Variants in DIAPH3 observed in about 807,000 individuals in gnomAD.
DIAPH3 encodes the protein diaphanous related formin 3, also known as protein diaphanous homolog 3.
Under a neutral mutation model 144.3 loss-of-function variants are expected in DIAPH3, and 117 were observed. The ratio of observed to expected loss-of-function variants is 0.81; its 90% CI spans 0.70 to 0.95. DIAPH3 has a LOEUF of 0.95. Among genes scored for constraint, DIAPH3 ranks in the 40% least tolerant of loss-of-function variants. The pLI is 0.00. For missense variants in DIAPH3, 1,421 were observed against 1,412.7 expected, an observed-to-expected ratio of 1.01 and a Z score of -0.09; for synonymous variants, 519 against 488.9, an observed-to-expected ratio of 1.06 and a Z score of -0.81.
intron 4 of DIAPH3, among the ~76,000 whole-genome samples, chr13:60,061,352 T>G (rs1285900804): frequency 1.3e-5 from 2 of 151,788 alleles, no homozygotes; most frequent in Non-Finnish European, 2.9e-5. Flanking sequence ...CCATGGACAA[T>G]AGGATGGAAC....
chr13:59,990,065 T>A (rs910127534), intron 12 of DIAPH3, among the ~76,000 whole-genome samples: 20 of 151,888 alleles, frequency 1.3e-4, no homozygotes, highest in Non-Finnish European at 2.8e-4. Flanking sequence ...AATTAGCAAT[T>A]CTTAATCTAG....
chr13:59,909,569 A>G (rs1366000294), intron 20 of DIAPH3, among the ~76,000 whole-genome samples: 1 of 152,198 alleles, frequency 6.6e-6, no homozygotes, highest in Non-Finnish European at 1.5e-5. Flanking sequence ...CACCAATACA[A>G]TTACCTTTTA....
intron 7 of DIAPH3, among the ~76,000 whole-genome samples, chr13:60,014,995 T>TTTTGTTTTGTTTTGC (rs2053542183): frequency 6.6e-6 from 1 of 151,332 alleles, no homozygotes; most frequent in Non-Finnish European, 1.5e-5. Context: ...TTTTGTTTTG[T>TTTTGTTTTGTTTTGC]TTTGTTTTGT....
At chr13:60,062,023 G>C (rs765349349) in intron 4 of DIAPH3, among the ~76,000 whole-genome samples, 52 of 151,970 alleles carry the variant, frequency 3.4e-4, no homozygotes, top group Non-Finnish European at 6.3e-4. Flanking sequence ...CCCTCGGCAG[G>C]AGATAGTGCT....
chr13:60,132,764 C>T (rs972566486), intron 2 of DIAPH3, among the ~76,000 whole-genome samples, 193 bp downstream of exon 2: 2 of 151,908 alleles, frequency 1.3e-5, no homozygotes, highest in African/African-American at 4.8e-5. Context: ...ACATATCCAC[C>T]ATTCACTTTA....
At chr13:59,742,510 G>A in intron 27 of DIAPH3, among the ~76,000 whole-genome samples, 1 of 149,824 alleles carries the variant, frequency 6.7e-6, no homozygotes, top group Non-Finnish European at 1.5e-5. Flanking sequence ...ATCCACAGAT[G>A]AGTAGTAATC....
intron 18 of DIAPH3, among the ~76,000 whole-genome samples, chr13:59,921,676 C>A (rs2047526261): frequency 6.6e-6 from 1 of 151,954 alleles, no homozygotes; most frequent in Non-Finnish European, 1.5e-5. Context: ...ATTACCAATT[C>A]TTATCACACT....
intron 17 of DIAPH3, among the ~76,000 whole-genome samples, chr13:59,935,857 CT>C (rs1288902269): frequency 6.6e-6 from 1 of 152,038 alleles, no homozygotes; most frequent in African/African-American, 2.4e-5. Flanking sequence ...CAATTCAAGG[CT>C]AAGAATTATA....
chr13:59,817,667 T>C (rs1336635050), intron 24 of DIAPH3, among the ~76,000 whole-genome samples: 1 of 151,958 alleles, frequency 6.6e-6, no homozygotes, highest in African/African-American at 2.4e-5. Context: ...TTTCCATCTA[T>C]TTGTCTAGCT....
intron 17 of DIAPH3, among the ~76,000 whole-genome samples, chr13:59,939,865 T>TGC (rs1452748163): frequency 2.6e-5 from 4 of 151,768 alleles, no homozygotes; most frequent in Non-Finnish European, 5.9e-5. Flanking sequence ...TGTGTGTGTG[T>TGC]GTGTGTATCA....
chr13:59,984,228 C>T (rs1182091043), intron 12 of DIAPH3, among the ~76,000 whole-genome samples: 1 of 151,634 alleles, frequency 6.6e-6, no homozygotes, highest in Non-Finnish European at 1.5e-5. Flanking sequence ...CACTGTACCA[C>T]ACTGAAATAG....
At chr13:59,935,738 T>C (rs550542099) in intron 17 of DIAPH3, among the ~76,000 whole-genome samples, 3 of 152,290 alleles carry the variant, frequency 2.0e-5, no homozygotes, top group East Asian at 1.9e-4. Context: ...CCTAACTACA[T>C]AGAAAATAAT....
At chr13:59,925,218 C>G (rs896762894) in intron 17 of DIAPH3, among the ~76,000 whole-genome samples, 6 of 152,070 alleles carry the variant, frequency 3.9e-5, no homozygotes, top group African/African-American at 1.4e-4. Flanking sequence ...ATTAAAACAC[C>G]TGCACTCAAG....
chr13:59,757,675 C>T (rs745986782), intron 27 of DIAPH3, among the ~76,000 whole-genome samples: 1 of 152,090 alleles, frequency 6.6e-6, no homozygotes, highest in Non-Finnish European at 1.5e-5. Flanking sequence ...GCTGGGATTA[C>T]AGGCGTGAGC....
intron 27 of DIAPH3, among the ~76,000 whole-genome samples, chr13:59,758,606 T>C (rs188457826): frequency 8.3e-4 from 127 of 152,326 alleles, no homozygotes; most frequent in Admixed American, 3.8e-3. Context: ...GGTTTACTTT[T>C]CCATATGTAT....
intron 15 of DIAPH3, among the ~76,000 whole-genome samples, chr13:59,971,959 C>A (rs899475989): frequency 7.9e-5 from 12 of 152,146 alleles, no homozygotes; most frequent in African/African-American, 2.9e-4. Flanking sequence ...ACTGATAGCA[C>A]CTTGTACTTT....
At chr13:59,705,247 G>A (rs2034352467) in intron 27 of DIAPH3, among the ~76,000 whole-genome samples, 1 of 152,140 alleles carries the variant, frequency 6.6e-6, no homozygotes, top group Non-Finnish European at 1.5e-5. Flanking sequence ...CTCATGACAA[G>A]AGAGCCGCCA....
chr13:59,708,409 C>T (rs2034546659), intron 27 of DIAPH3, among the ~76,000 whole-genome samples: 1 of 152,168 alleles, frequency 6.6e-6, no homozygotes, highest in Admixed American at 6.5e-5. Flanking sequence ...TTTGTCCCTA[C>T]CACTGCACTA....
intron 18 of DIAPH3, among the ~76,000 whole-genome samples, chr13:59,920,928 T>C (rs912204394): frequency 3.3e-5 from 5 of 151,734 alleles, no homozygotes; most frequent in Non-Finnish European, 5.9e-5. Flanking sequence ...TAGAAATCAG[T>C]ACAGAAGAAA....
Sources: gnomAD v4.1 joint callset for allele counts (sites outside exome capture counted in the v4.1 genomes callset) on GRCh38, gnomAD v4.1.1 for gene constraint, MANE v1.5 for transcripts, NCBI Gene and HGNC (gene_info 2026-07-23, HGNC 2026-07-21) for gene names.